Variants in LIMA1 observed in about 807,000 individuals in gnomAD.
The protein encoded by LIMA1 is LIM domain and actin binding 1, also known as LIM domain and actin-binding protein 1.
A neutral mutation model predicts 62.6 loss-of-function variants in LIMA1; 52 were observed. The ratio of observed to expected loss-of-function variants is 0.83; its 90% CI spans 0.67 to 1.05. The LOEUF (loss-of-function observed/expected upper bound fraction) is 1.05. Among genes scored for constraint, LIMA1 ranks in the 50% least tolerant of loss-of-function variants. LIMA1 has a pLI of 0.00. For synonymous variants in LIMA1, 302 were observed against 317.8 expected (o/e 0.95, Z 0.53); for missense variants, 780 against 902.2 (o/e 0.86, Z 1.74).
At position 50,208,275 on chromosome 12, in the gene LIMA1, G is replaced by A. The variant is rs553676845; in HGVS notation, c.631-2207C>T. Among the ~76,000 whole-genome samples the A allele has an allele frequency of 7.9e-5, 12 of 152,224 alleles. No individual in the cohort carries two copies. In the East Asian group the frequency reaches 1.6e-3, roughly 20 times the overall value. ...CCGAGGCAGAAGGATCACGAGGTCA[G>A]GAGTTCGAGACCAGCCTGACCAACA... On this transcript the variant is annotated intron_variant, in intron 4 of 10. Transcript: ENST00000341247.
intron 1 of LIMA1, among the ~76,000 whole-genome samples, chr12:50,270,553 C>T (rs1297745362): frequency 7.0e-6 from 1 of 143,582 alleles, no homozygotes; most frequent in Non-Finnish European, 1.5e-5. Flanking sequence ...TGCAGTGAAT[C>T]CAGATCACGC....
Position 50,268,431 on chromosome 12 carries a change from C to T in LIMA1, c.-24+14989G>A, listed in dbSNP as rs140292270. ...AATTTTTGCAGACCCAGACCCTAAA[C>T]GCTCACCATCTAGACAGATAATGTC... On this transcript the variant is annotated intron_variant, in intron 1 of 10. Transcript: ENST00000341247. Among the ~76,000 whole-genome samples the T allele has an allele frequency of 5.9e-5, 9 of 152,252 alleles. No individual in the cohort carries two copies. In the East Asian group the frequency reaches 1.2e-3, roughly 20 times the overall value.
At chr12:50,264,557 C>G (rs1278182203) in intron 1 of LIMA1, among the ~76,000 whole-genome samples, 1 of 152,126 alleles carries the variant, frequency 6.6e-6, no homozygotes, top group Non-Finnish European at 1.5e-5. Context: ...AATTCCCATT[C>G]TAGTGTTTAC....
At chr12:50,198,522 C>T (rs1940977603) in intron 7 of LIMA1, among the ~76,000 whole-genome samples, 5 of 152,128 alleles carry the variant, frequency 3.3e-5, no homozygotes, top group Admixed American at 2.6e-4. Context: ...CTACTACACT[C>T]CAGCCTGGGT....
intron 1 of LIMA1, among the ~76,000 whole-genome samples, chr12:50,268,079 CA>C (rs1338111496): frequency 6.6e-6 from 1 of 152,180 alleles, no homozygotes; most frequent in South Asian, 2.1e-4. Flanking sequence ...TTGCCTCTCA[CA>C]GCAGCTGTCC....
rs932083835 is a variant in LIMA1 at position 50,216,231 on chromosome 12, T to G, written c.630+5790A>C. On this transcript the variant is annotated intron_variant, in intron 4 of 10. Transcript: ENST00000341247. ...CCGTGGCATTTCTTTTCTTTTCTTT[T>G]CGAGAGAAGTTTTGCTCTTGCTGCC... Among the ~76,000 whole-genome samples, 5 of 152,230 alleles carry G rather than the reference T, an allele frequency of 3.3e-5. No homozygotes were observed. The South Asian group carries it at 8.3e-4, about 25-fold the overall frequency.
chr12:50,193,107 G>A (rs1219083978), intron 8 of LIMA1, among the ~76,000 whole-genome samples: 1 of 152,014 alleles, frequency 6.6e-6, no homozygotes, highest in Non-Finnish European at 1.5e-5. Context: ...GCTCCATGAA[G>A]TTTTTTTCAT....
chr12:50,269,241 T>C (rs1942174471), intron 1 of LIMA1, among the ~76,000 whole-genome samples: 1 of 152,234 alleles, frequency 6.6e-6, no homozygotes, highest in African/African-American at 2.4e-5. Context: ...GTTTTGCATA[T>C]ATAACTTATT....
At position 50,267,281 on chromosome 12, in the gene LIMA1, C is replaced by T. The variant is rs564411188; in HGVS notation, c.-24+16139G>A. On this transcript the variant is annotated intron_variant, in intron 1 of 10. Transcript: ENST00000341247. ...AGAGATGGGGTTTCACCGTGTTAGC[C>T]AGGATGGTCTCGATCTGCTGACCTC... 2.0e-3 allele frequency among the ~76,000 whole-genome samples: 302 copies of T among 152,264 alleles called. 1 individual carries two copies. The highest frequency in any genetic ancestry group is 3.9e-3 in the Non-Finnish European group (264 of 68,024).
chr12:50,222,743 A>C, intron 3 of LIMA1: 1 of 1,268,760 alleles, frequency 7.9e-7, no homozygotes, highest in Non-Finnish European at 1.0e-6. Flanking sequence ...ACAAAATGAG[A>C]AGAAAGGCAA....
At chr12:50,209,971 T>C (rs1214499440) in intron 4 of LIMA1, among the ~76,000 whole-genome samples, 1 of 152,218 alleles carries the variant, frequency 6.6e-6, no homozygotes, top group Non-Finnish European at 1.5e-5. Context: ...CCCACCTTTT[T>C]ATTTTGTTTT....
chr12:50,275,015 T>C (rs1363471139), intron 1 of LIMA1, among the ~76,000 whole-genome samples: 1 of 152,110 alleles, frequency 6.6e-6, no homozygotes, highest in East Asian at 1.9e-4. Flanking sequence ...AAGCCAAACA[T>C]TATTATATAA....
intron 1 of LIMA1, among the ~76,000 whole-genome samples, chr12:50,263,649 G>A (rs990020264): frequency 1.3e-5 from 2 of 151,570 alleles, no homozygotes; most frequent in Admixed American, 6.6e-5. Context: ...AAGTGTTAGC[G>A]AGGACGTGGA....
intron 3 of LIMA1, among the ~76,000 whole-genome samples, chr12:50,230,870 C>T (rs1433315449): frequency 6.6e-6 from 1 of 152,192 alleles, no homozygotes; most frequent in Admixed American, 6.5e-5. Context: ...AGCCACCGCA[C>T]CCGGCCAGTT....
At chr12:50,238,342 A>C (rs1941725340) in intron 2 of LIMA1, among the ~76,000 whole-genome samples, 1 of 152,086 alleles carries the variant, frequency 6.6e-6, no homozygotes, top group Non-Finnish European at 1.5e-5. Context: ...CCTTGTCTCT[A>C]CTAAAAATAC....
intron 4 of LIMA1, among the ~76,000 whole-genome samples, chr12:50,213,768 C>T (rs1170674158): frequency 2.0e-5 from 3 of 152,208 alleles, no homozygotes; most frequent in Non-Finnish European, 4.4e-5. Flanking sequence ...TGAAGTCTTT[C>T]TAGCCCCCTT....
chr12:50,248,634 T>C lies in LIMA1; in HGVS notation c.118A>G (p.Lys40Glu). The C allele has an allele frequency of 2.5e-6, 4 of 1,592,294 alleles. No homozygotes were observed. In the Admixed American group the frequency reaches 5.0e-5, roughly 20 times the overall value. Residue 40 changes from lysine to glutamate, a missense_variant and splice_region_variant, in exon 2 of 11, where the codon AAG becomes GAG. Coordinates refer to ENST00000341247, the MANE Select transcript of LIMA1 (RefSeq NM_016357.5). ...KSSAIVEIFS[K>E]YQKAAEETNM... Reference sequence around the variant, plus strand: ...TTTTGGACCAGGATCAGCACTTACTTGGAGAATATTTCCACAATAGCCGAT... The same window carrying C: ...TTTTGGACCAGGATCAGCACTTACTCGGAGAATATTTCCACAATAGCCGAT...
chr12:50,196,118 A>G (rs958817114), intron 7 of LIMA1: 5 of 443,018 alleles, frequency 1.1e-5, no homozygotes, highest in African/African-American at 1.0e-4. Context: ...CGAGAAACAG[A>G]CTGCACTCAA....
intron 4 of LIMA1, among the ~76,000 whole-genome samples, chr12:50,216,699 A>G (rs1416022354): frequency 1.3e-5 from 2 of 152,024 alleles, no homozygotes; most frequent in African/African-American, 4.8e-5. Context: ...CATCTCTACT[A>G]AAAATACAAA....
Sources: gnomAD v4.1 joint callset for allele counts (sites outside exome capture counted in the v4.1 genomes callset) on GRCh38, gnomAD v4.1.1 for gene constraint, MANE v1.5 for transcripts, NCBI Gene and HGNC (gene_info 2026-07-23, HGNC 2026-07-21) for gene names.